ANO4: variants seen among roughly 807,000 people sequenced by gnomAD.
The protein encoded by ANO4 is anoctamin 4.
Under a neutral mutation model 141.9 loss-of-function variants are expected in ANO4, and 69 were observed. That is an observed-to-expected ratio of 0.49 (90% CI 0.40 to 0.59). The LOEUF is 0.59. Among genes scored for constraint, ANO4 ranks in the 20% least tolerant of loss-of-function variants. The pLI is 0.00. For missense variants in ANO4, 894 were observed against 1,162.2 expected, an observed-to-expected ratio of 0.77 and a Z score of 3.36; for synonymous variants, 350 against 394.3, an observed-to-expected ratio of 0.89 and a Z score of 1.33.
chr12:100,740,070 G>A, exon 3 of ANO4: 1 of 702,592 alleles, frequency 1.4e-6, no homozygotes, highest in Admixed American at 2.0e-5. Flanking sequence ...TCTTACAGCA[G>A]TAGCAGCCAG....
At chr12:100,717,340 G>A (rs1439159235), upstream of ANO4, among the ~76,000 whole-genome samples, 1 of 151,382 alleles carries the variant, frequency 6.6e-6, no homozygotes, top group East Asian at 1.9e-4. Context: ...CCGGCCGGGG[G>A]CCCCCGCGCG....
At chr12:100,803,383 AAAC>A (rs1205596462) in intron 1 of ANO4, among the ~76,000 whole-genome samples, 2 of 152,208 alleles carry the variant, frequency 1.3e-5, no homozygotes, top group East Asian at 1.9e-4. Context: ...GTCAGTGAAT[AAAC>A]AACATTTACA....
chr12:101,117,837 A>T (rs2050916116), intron 25 of ANO4, among the ~76,000 whole-genome samples: 1 of 152,190 alleles, frequency 6.6e-6, no homozygotes, highest in Non-Finnish European at 1.5e-5. Context: ...GATCCACTTC[A>T]GTCCCTCATC....
chr12:100,835,015 T>C (rs1462382153), intron 1 of ANO4, among the ~76,000 whole-genome samples: 1 of 152,146 alleles, frequency 6.6e-6, no homozygotes, highest in Non-Finnish European at 1.5e-5. Flanking sequence ...GGAACCAGAC[T>C]ACCATAGATG....
At chr12:100,737,794 T>C (rs1222519287) in intron 2 of ANO4, among the ~76,000 whole-genome samples, 1 of 152,232 alleles carries the variant, frequency 6.6e-6, no homozygotes, top group Non-Finnish European at 1.5e-5. Context: ...TAAAATCTCC[T>C]TTGTTTTCTT....
At chr12:100,953,151 GTATTA>G (rs2043041377) in intron 5 of ANO4, among the ~76,000 whole-genome samples, 1 of 152,212 alleles carries the variant, frequency 6.6e-6, no homozygotes, top group African/African-American at 2.4e-5. Flanking sequence ...TGTGGGCATT[GTATTA>G]TATTTATGAA....
At chr12:101,017,410 G>A (rs1164900340) in intron 8 of ANO4, among the ~76,000 whole-genome samples, 1 of 152,176 alleles carries the variant, frequency 6.6e-6, no homozygotes, top group East Asian at 1.9e-4. Flanking sequence ...AGAAGAGTGT[G>A]GGGACACAGC....
At chr12:100,779,303 T>C (rs908575453) in intron 3 of ANO4, among the ~76,000 whole-genome samples, 1 of 152,216 alleles carries the variant, frequency 6.6e-6, no homozygotes, top group African/African-American at 2.4e-5. Context: ...CTGTAGTAGA[T>C]TGATTCCAGC....
intron 1 of ANO4, among the ~76,000 whole-genome samples, chr12:100,883,329 G>A (rs1262235913): frequency 6.6e-6 from 1 of 152,202 alleles, no homozygotes; most frequent in African/African-American, 2.4e-5. Context: ...TCAGCCTTAA[G>A]GGCCATAAGG....
intron 13 of ANO4, among the ~76,000 whole-genome samples, chr12:101,044,031 C>T (rs2221288): frequency 0.15 from 22,866 of 152,198 alleles, 1,910 homozygotes; most frequent in Non-Finnish European, 0.17. Flanking sequence ...AAGGTGTATA[C>T]TGAGCATAGT....
At chr12:101,064,663 T>TAATAATAATA (rs1566196498) in intron 14 of ANO4, among the ~76,000 whole-genome samples, 88 of 130,188 alleles carry the variant, frequency 6.8e-4, no homozygotes, top group African/African-American at 2.0e-3. Flanking sequence ...CTTAAAGTAT[T>TAATAATAATA]ATAATAATAA....
At chr12:100,984,947 C>T (rs1245616747) in intron 7 of ANO4, among the ~76,000 whole-genome samples, 1 of 151,692 alleles carries the variant, frequency 6.6e-6, no homozygotes, top group African/African-American at 2.4e-5. Context: ...TGTTTTTATC[C>T]ATGCTGAGCA....
At chr12:100,953,674 A>G (rs934341124) in intron 5 of ANO4, among the ~76,000 whole-genome samples, 1 of 152,218 alleles carries the variant, frequency 6.6e-6, no homozygotes, top group African/African-American at 2.4e-5. Flanking sequence ...GAATACTGGG[A>G]AGGAGTCACT....
intron 21 of ANO4, among the ~76,000 whole-genome samples, 179 bp from the exon 22 acceptor site, chr12:101,099,399 T>C (rs1460092145): frequency 6.6e-6 from 1 of 152,204 alleles, no homozygotes; most frequent in African/African-American, 2.4e-5. Context: ...CTTGCAAATA[T>C]AAATACTTGA....
chr12:100,991,808 T>G (rs2045123284), intron 8 of ANO4, among the ~76,000 whole-genome samples: 2 of 152,248 alleles, frequency 1.3e-5, no homozygotes, highest in South Asian at 4.2e-4. Flanking sequence ...AATAAATGAA[T>G]AGATAGAAAC....
At chr12:100,865,100 A>G (rs1014902091) in intron 1 of ANO4, among the ~76,000 whole-genome samples, 9 of 152,198 alleles carry the variant, frequency 5.9e-5, no homozygotes, top group African/African-American at 2.2e-4. Flanking sequence ...ATATGTGTGC[A>G]TGTGTCTTTA....
chr12:100,787,047 T>C (rs77826239), intron 3 of ANO4, among the ~76,000 whole-genome samples: 11,227 of 152,202 alleles, frequency 0.074, 637 homozygotes, highest in South Asian at 0.21. Flanking sequence ...AGACATCCAG[T>C]CTTTTTATAA....
chr12:101,105,390 A>T (rs1354320659), intron 22 of ANO4, among the ~76,000 whole-genome samples: 1 of 152,244 alleles, frequency 6.6e-6, no homozygotes, highest in Non-Finnish European at 1.5e-5. Context: ...CCAATGGCAA[A>T]ATCAAGGCTA....
At chr12:100,863,657 T>A (rs944295857) in intron 1 of ANO4, among the ~76,000 whole-genome samples, 1 of 152,212 alleles carries the variant, frequency 6.6e-6, no homozygotes, top group African/African-American at 2.4e-5. Context: ...TATGTACAAA[T>A]ATACGTGCAT....
Sources: allele counts gnomAD v4.1 joint callset (sites outside exome capture counted in the v4.1 genomes callset), GRCh38; gene constraint gnomAD v4.1.1; transcripts MANE v1.5; gene names NCBI Gene and HGNC (gene_info 2026-07-23, HGNC 2026-07-21).